PAK1IP1: variants seen among roughly 807,000 people sequenced by gnomAD.
PAK1IP1 encodes PAK1 interacting protein 1.
PAK1IP1 carries 24 observed loss-of-function variants against 42.0 expected under a neutral mutation model. The ratio of observed to expected loss-of-function variants is 0.57; its 90% CI spans 0.41 to 0.80. PAK1IP1 has a LOEUF of 0.80. Ranked by LOEUF, PAK1IP1 falls within the 30% of genes least tolerant of loss-of-function variation. The pLI is 0.00. For synonymous variants in PAK1IP1, 154 were observed against 156.7 expected, an observed-to-expected ratio of 0.98 and a Z score of 0.13; for missense variants, 411 against 467.9, an observed-to-expected ratio of 0.88 and a Z score of 1.12.
At chr6:10,694,523 T>A (rs1581575718), upstream of PAK1IP1, 1 of 156,238 alleles carries the variant, frequency 6.4e-6, no homozygotes, top group African/African-American at 2.4e-5. Flanking sequence ...CTCGTTCCGC[T>A]GGTCCCTGAA....
At chr6:10,694,629 T>G (rs886743892), upstream of PAK1IP1, 7 of 191,656 alleles carry the variant, frequency 3.7e-5, no homozygotes, top group Non-Finnish European at 6.6e-5. Context: ...CCCCACCTCC[T>G]CCTGATGTCA....
chr6:10,697,595 A>T (rs574901818), intron 2 of PAK1IP1, 109 bp downstream of exon 2: 1 of 876,712 alleles, frequency 1.1e-6, no homozygotes, highest in East Asian at 2.6e-5. Context: ...TTGCTAGAAG[A>T]TAGAGGAATT....
chr6:10,704,700 C>G (rs781401124), intron 6 of PAK1IP1, 47 bp from the exon 7 acceptor site: 1 of 1,597,582 alleles, frequency 6.3e-7, no homozygotes, highest in Non-Finnish European at 8.6e-7. Context: ...ATGGTTGGAA[C>G]TGTTGATGAC....
At chr6:10,704,972 G>A (rs987258789) in intron 7 of PAK1IP1, 128 bp downstream of exon 7, 9 of 670,524 alleles carry the variant, frequency 1.3e-5, no homozygotes, top group African/African-American at 3.6e-5. Context: ...TACATGTACA[G>A]TATATGGTAT....
chr6:10,691,412 T>TG (rs1467503263), upstream of PAK1IP1, among the ~76,000 whole-genome samples: 1 of 151,912 alleles, frequency 6.6e-6, no homozygotes, highest in African/African-American at 2.4e-5. Context: ...GGTACATGAC[T>TG]GGGGGGCTGC....
At position 10,704,895 on chromosome 6, in the gene PAK1IP1, T is replaced by TA. The variant is rs757950272; in HGVS notation, c.740+52dup. On this transcript the variant is annotated intron_variant, in intron 7 of 9. Transcript: ENST00000379568. ...ATGTCTAGTCTTAATAAAAGGTATA[T>TA]ATGCAGTAGTTTCATAAGCCAGGTT... 14 of 1,079,018 alleles carry TA rather than the reference T, an allele frequency of 1.3e-5. No individual in the cohort carries two copies. The Admixed American group carries it at 2.4e-4, about 18-fold the overall frequency. The allele number at this position is 1,079,018 out of a possible 1,614,324, so 66.8% of individuals were successfully genotyped here.
chr6:10,690,984 C>T (rs1289699768), upstream of PAK1IP1, among the ~76,000 whole-genome samples: 1 of 152,176 alleles, frequency 6.6e-6, no homozygotes, highest in Non-Finnish European at 1.5e-5. Flanking sequence ...CACAGCCATG[C>T]ATAAAATGAA....
At chr6:10,699,233 AAAG>A (rs1190541066) in intron 2 of PAK1IP1, among the ~76,000 whole-genome samples, 1 of 151,844 alleles carries the variant, frequency 6.6e-6, no homozygotes, top group African/African-American at 2.4e-5. Flanking sequence ...GAGGAAAAGA[AAAG>A]AAAATGTGTT....
chr6:10,703,007 G>C (rs551869964), intron 4 of PAK1IP1, among the ~76,000 whole-genome samples: 2 of 151,930 alleles, frequency 1.3e-5, no homozygotes, highest in South Asian at 2.1e-4. Context: ...GGGTTTCACC[G>C]TGTTAGCCAG....
intron 2 of PAK1IP1, among the ~76,000 whole-genome samples, chr6:10,698,630 A>G (rs903885750): frequency 2.6e-5 from 4 of 152,204 alleles, no homozygotes; most frequent in Admixed American, 2.6e-4. Context: ...TAGCAAATGA[A>G]TGATGTGGGC....
rs1296638087 is a variant in PAK1IP1, at chr6:10,709,388, A to G, written c.1115A>G (p.Lys372Arg). Residue 372 changes from lysine to arginine, a missense_variant, in exon 10 of 10, where the codon AAG becomes AGG. Lys to Arg is a conservative substitution (Grantham distance 26). Coordinates refer to ENST00000379568, the MANE Select transcript of PAK1IP1 (RefSeq NM_017906.3). Reference sequence around the variant, plus strand: ...GAAAGTGGCCTGATATCAACCAAGAAGAGGAAAATGGTAGAAATGTTGGAA... The same window carrying G: ...GAAAGTGGCCTGATATCAACCAAGAGGAGGAAAATGGTAGAAATGTTGGAA... The part of the protein sequence containing the change: ...TKESGLISTK[K>R]RKMVEMLEKK... 1.2e-6 allele frequency: 2 copies of G among 1,613,820 alleles called. No individual in the cohort carries two copies. Among genetic ancestry groups the G allele is most frequent in the African/African-American group, 1.3e-5 (1 of 75,026 alleles).
Position 10,709,473 on chromosome 6 carries a change from G to A in PAK1IP1, c.*21G>A. 1 of 1,525,270 alleles carries A rather than the reference G, an allele frequency of 6.6e-7. No homozygotes were observed. Among genetic ancestry groups the A allele is most frequent in the Non-Finnish European group, 9.0e-7 (1 of 1,113,738 alleles). 94.5% of individuals were successfully genotyped at this position (1,525,270 alleles called of 1,614,324 possible). A position where few individuals can be genotyped will look rare whatever the true frequency, so the allele number is the denominator to read the frequency against. The stretch of plus-strand genomic sequence containing the variant: ...AGTGAATCACAGATGTCTCCTGAAA[G>A]AACTCTTTTAGATGAAATCATTCTA... On this transcript the variant is annotated 3_prime_UTR_variant, in exon 10 of 10. Transcript: ENST00000379568.
intron 1 of PAK1IP1, among the ~76,000 whole-genome samples, chr6:10,697,076 C>T (rs1387593598): frequency 6.6e-6 from 1 of 152,190 alleles, no homozygotes; most frequent in African/African-American, 2.4e-5. Flanking sequence ...CCAGTGTTGC[C>T]TGCCCACCTC....
chr6:10,703,378 A>G (rs1770098118), intron 4 of PAK1IP1, 27 bp from the exon 5 acceptor site: 1 of 1,583,024 alleles, frequency 6.3e-7, no homozygotes, highest in African/African-American at 1.3e-5. Context: ...TGGTGATCAC[A>G]CCGTAAGTGA....
chr6:10,693,094 G>T (rs1561885498), upstream of PAK1IP1, among the ~76,000 whole-genome samples: 1 of 152,202 alleles, frequency 6.6e-6, no homozygotes, highest in Admixed American at 6.5e-5. Context: ...CCTATTGTAT[G>T]TAACTGCGGG....
In PAK1IP1 at chr6:10,709,710, G is replaced by A. The variant is rs3798706; in HGVS notation, c.*258G>A. On this transcript the variant is annotated 3_prime_UTR_variant, in exon 10 of 10. Transcript: ENST00000379568. Reference sequence around the variant, plus strand: ...TAATGTGTCATGTAATTTTTACTTTGTACAAAGCAAATAAAGATCTTTCTC... The same window carrying A: ...TAATGTGTCATGTAATTTTTACTTTATACAAAGCAAATAAAGATCTTTCTC... 1.9e-4 allele frequency: 42 copies of A among 221,240 alleles called. No homozygotes were observed. In the East Asian group the frequency reaches 3.5e-3, roughly 19 times the overall value. 13.7% of individuals were successfully genotyped at this position (221,240 alleles called of 1,614,324 possible). A position where few individuals can be genotyped will look rare whatever the true frequency, so the allele number is the denominator to read the frequency against.
upstream of PAK1IP1, among the ~76,000 whole-genome samples, chr6:10,693,348 G>A (rs1769526671): frequency 6.6e-6 from 1 of 152,214 alleles, no homozygotes; most frequent in Non-Finnish European, 1.5e-5. Flanking sequence ...GAGATCTTTT[G>A]TCTCCATGCT....
At chr6:10,703,538 G>C in intron 5 of PAK1IP1, 81 bp downstream of exon 5, 1 of 978,332 alleles carries the variant, frequency 1.0e-6, no homozygotes, top group South Asian at 1.5e-5. Context: ...AACTTTTTGA[G>C]CACTGATGTG....
intron 2 of PAK1IP1, among the ~76,000 whole-genome samples, chr6:10,698,232 T>G (rs1207815160): frequency 6.6e-6 from 1 of 151,510 alleles, no homozygotes; most frequent in Non-Finnish European, 1.5e-5. Context: ...AATATCTGAC[T>G]TTATTGAGGG....
Sources: allele counts gnomAD v4.1 joint callset (sites outside exome capture counted in the v4.1 genomes callset), GRCh38; gene constraint gnomAD v4.1.1; transcripts MANE v1.5; gene names NCBI Gene and HGNC (gene_info 2026-07-23, HGNC 2026-07-21).